LRRFIP2: variants seen among roughly 807,000 people sequenced by gnomAD.
LRRFIP2 encodes the protein leucine-rich repeat flightless-interacting protein 2.
A neutral mutation model predicts 125.9 loss-of-function variants in LRRFIP2; 109 were observed. The ratio of observed to expected loss-of-function variants is 0.87; its 90% confidence interval spans 0.74 to 1.01. The LOEUF (loss-of-function observed/expected upper bound fraction) is 1.01, where lower values mean the gene tolerates loss of function less well. LRRFIP2 is among the 50% of genes least tolerant of loss of function. The pLI is 0.00. For synonymous variants in LRRFIP2, 291 were observed against 293.1 expected (o/e 0.99, Z 0.07); for missense variants, 850 against 862.3 (o/e 0.99, Z 0.18).
At chr3:37,077,743 G>T (rs1206333769) in intron 19 of LRRFIP2, among the ~76,000 whole-genome samples, 1 of 152,064 alleles carries the variant, frequency 6.6e-6, no homozygotes, top group African/African-American at 2.4e-5. Flanking sequence ...ATTCCTAGTG[G>T]AAACAATTCA....
intron 14 of LRRFIP2, among the ~76,000 whole-genome samples, chr3:37,103,761 C>CA (rs1371732929): frequency 6.6e-6 from 1 of 152,174 alleles, no homozygotes; most frequent in African/African-American, 2.4e-5. Flanking sequence ...GTTCTCTTCA[C>CA]AGTCCCTGAC....
chr3:37,158,782 A>G (rs7638811), intron 1 of LRRFIP2, among the ~76,000 whole-genome samples: 1,610 of 152,276 alleles, frequency 0.011, 38 homozygotes, highest in African/African-American at 0.036. Flanking sequence ...AATGCAATTA[A>G]TATGAAGGAG....
At chr3:37,064,007 C>T in intron 23 of LRRFIP2, 1 of 503,092 alleles carries the variant, frequency 2.0e-6, no homozygotes, top group Non-Finnish European at 3.6e-6. Context: ...ATCAGGGCAC[C>T]AAATCCAACA....
chr3:37,144,461 G>A (rs1161696365), intron 2 of LRRFIP2, among the ~76,000 whole-genome samples: 2 of 152,088 alleles, frequency 1.3e-5, no homozygotes, highest in East Asian at 3.9e-4. Context: ...TCAAAAACAA[G>A]CCAGGCATGG....
intron 2 of LRRFIP2, chr3:37,140,239 G>C (rs1391541324): frequency 1.3e-5 from 2 of 151,720 alleles, no homozygotes; most frequent in Non-Finnish European, 2.9e-5. Flanking sequence ...TTCTCTCCTG[G>C]GCCATACTGT....
chr3:37,098,207 T>C (rs1286829893), intron 15 of LRRFIP2, among the ~76,000 whole-genome samples: 1 of 152,130 alleles, frequency 6.6e-6, no homozygotes, highest in African/African-American at 2.4e-5. Flanking sequence ...AAAAAGAAAC[T>C]AATTTTAGTT....
intron 19 of LRRFIP2, among the ~76,000 whole-genome samples, chr3:37,082,831 A>G (rs1204647595): frequency 1.3e-5 from 2 of 152,200 alleles, no homozygotes; most frequent in Non-Finnish European, 2.9e-5. Context: ...GGTCTCCTAC[A>G]GGTTATATAA....
At chr3:37,068,059 A>C (rs1320765008) in intron 21 of LRRFIP2, 4 of 152,230 alleles carry the variant, frequency 2.6e-5, no homozygotes, top group Non-Finnish European at 4.4e-5. Context: ...ATGTGTCTCA[A>C]GTCTGCCTGT....
intron 15 of LRRFIP2, among the ~76,000 whole-genome samples, chr3:37,099,734 C>T (rs1368974443): frequency 1.3e-5 from 2 of 152,026 alleles, no homozygotes; most frequent in Non-Finnish European, 2.9e-5. Context: ...GCCTGACTTA[C>T]AAAACAGAAA....
intron 1 of LRRFIP2, among the ~76,000 whole-genome samples, chr3:37,156,673 C>CA (rs59647339): frequency 0.1 from 3,129 of 30,540 alleles, 833 homozygotes; most frequent in East Asian, 0.2. Context: ...GACTCAGTAT[C>CA]AAAAAAAAAA....
chr3:37,078,067 T>A (rs999879754), intron 19 of LRRFIP2, among the ~76,000 whole-genome samples: 9 of 152,300 alleles, frequency 5.9e-5, no homozygotes, highest in Middle Eastern at 3.4e-3. Context: ...AAAAAATTTC[T>A]GGAGATCTGA....
intron 1 of LRRFIP2, among the ~76,000 whole-genome samples, chr3:37,150,072 C>G (rs1029833780): frequency 2.0e-5 from 3 of 152,206 alleles, no homozygotes; most frequent in Non-Finnish European, 4.4e-5. Flanking sequence ...GTTTATTACT[C>G]TGCAATTAAC....
At chr3:37,124,277 T>C (rs936522380) in intron 4 of LRRFIP2, among the ~76,000 whole-genome samples, 1 of 152,224 alleles carries the variant, frequency 6.6e-6, no homozygotes, top group African/African-American at 2.4e-5. Context: ...CTACCATACT[T>C]GACAGCACTT....
intron 18 of LRRFIP2, among the ~76,000 whole-genome samples, chr3:37,085,147 G>A (rs2092948017): frequency 6.6e-6 from 1 of 152,142 alleles, no homozygotes; most frequent in Non-Finnish European, 1.5e-5. Flanking sequence ...ACAATAAAAC[G>A]CTTCAAAGAA....
Position 37,083,680 on chromosome 3 carries a change from C to T in LRRFIP2, c.1234G>A (p.Glu412Lys). ...TLKDVIEEQE[E>K]QMAEFYRENE... The stretch of plus-strand genomic sequence containing the variant: ...TCTCTATAAAATTCTGCCATCTGTT[C>T]CTCCTGCTCTTCAATAACATCCTTG... The change falls in exon 19 of 28, where the codon GAA becomes AAA. Residue 412 changes from glutamate to lysine, a missense_variant. By Grantham distance (56) the Glu-to-Lys change is moderately conservative (BLOSUM62 1). Transcript: ENST00000336686. 2.5e-6 allele frequency: 4 copies of T among 1,579,236 alleles called. 1 individual carries two copies. The highest frequency in any genetic ancestry group is 3.4e-6 in the Non-Finnish European group (4 of 1,167,724).
chr3:37,056,236 A>G (rs956233684), intron 25 of LRRFIP2, among the ~76,000 whole-genome samples: 1 of 152,212 alleles, frequency 6.6e-6, no homozygotes, highest in Non-Finnish European at 1.5e-5. Context: ...CTTAAAATGA[A>G]AAGTTTAGAA....
chr3:37,169,962 T>TC (rs2096563221), intron 1 of LRRFIP2, among the ~76,000 whole-genome samples: 1 of 152,158 alleles, frequency 6.6e-6, no homozygotes. Flanking sequence ...TTCTTTTTTT[T>TC]CCCGAGGAGG....
chr3:37,075,170 G>T, intron 19 of LRRFIP2, 54 bp from the exon 20 acceptor site: 2 of 1,243,868 alleles, frequency 1.6e-6, no homozygotes, highest in South Asian at 2.4e-5. Flanking sequence ...CAAGAAATTT[G>T]AACATACACA....
intron 13 of LRRFIP2, among the ~76,000 whole-genome samples, chr3:37,105,798 C>T (rs1399499394): frequency 1.3e-5 from 2 of 152,216 alleles, no homozygotes; most frequent in Non-Finnish European, 2.9e-5. Context: ...GGAGCGGTGG[C>T]TCATGCCTGT....
Sources: gnomAD v4.1 joint callset for allele counts (sites outside exome capture counted in the v4.1 genomes callset) on GRCh38, gnomAD v4.1.1 for gene constraint, MANE v1.5 for transcripts, NCBI Gene and HGNC (gene_info 2026-07-23, HGNC 2026-07-21) for gene names.